The following ASCC3 variants were observed in gnomAD, a reference collection of about 807,000 sequenced individuals.
ASCC3 encodes the protein activating signal cointegrator 1 complex subunit 3.
In ASCC3, 158 loss-of-function variants were observed where a neutral mutation model predicts 256.3. The ratio of observed to expected loss-of-function variants is 0.62; its 90% CI spans 0.54 to 0.70. The LOEUF (loss-of-function observed/expected upper bound fraction) is 0.70. Ranked by LOEUF, ASCC3 falls within the 30% of genes least tolerant of loss-of-function variation. ASCC3 has a pLI of 0.00. For synonymous variants in ASCC3, 948 were observed against 883.4 expected, an observed-to-expected ratio of 1.07 and a Z score of -1.30; for missense variants, 2,259 against 2,626.0, an observed-to-expected ratio of 0.86 and a Z score of 3.05.
intron 10 of ASCC3, among the ~76,000 whole-genome samples, chr6:100,737,104 A>G (rs1780208629): frequency 6.8e-6 from 1 of 147,538 alleles, no homozygotes; most frequent in African/African-American, 2.5e-5. Flanking sequence ...CCGAGATTGC[A>G]CCACTGCACT....
chr6:100,555,747 G>C (rs1196612137), intron 36 of ASCC3, among the ~76,000 whole-genome samples: 1 of 152,162 alleles, frequency 6.6e-6, no homozygotes, highest in East Asian at 1.9e-4. Flanking sequence ...AGGCTGTCAG[G>C]TTTGAATCCT....
At chr6:100,521,283 G>A (rs1046584078) in intron 37 of ASCC3, among the ~76,000 whole-genome samples, 3 of 152,154 alleles carry the variant, frequency 2.0e-5, no homozygotes, top group Admixed American at 2.0e-4. Flanking sequence ...CCAAAGGGAA[G>A]CTGCAAAGTG....
chr6:100,652,281 T>C (rs74664900), intron 18 of ASCC3, among the ~76,000 whole-genome samples: 4,652 of 152,218 alleles, frequency 0.031, 81 homozygotes, highest in East Asian at 0.057. Flanking sequence ...GAATAGGTGA[T>C]GGAAGGAGTG....
In ASCC3 at chr6:100,761,456, C is replaced by G. The variant is rs1286487667; in HGVS notation, c.1737+5109G>C. The stretch of plus-strand genomic sequence containing the variant: ...TGGGCCATTACTGTGCCACTGTAGT[C>G]CAGCCTTGGTGACAGAGTGAGACCT... On this transcript the variant is annotated intron_variant, in intron 10 of 41. Transcript: ENST00000369162. 3.3e-5 allele frequency among the ~76,000 whole-genome samples: 5 copies of G among 152,120 alleles called. No individual in the cohort carries two copies. In the South Asian group the frequency reaches 1.0e-3, roughly 32 times the overall value.
At chr6:100,615,441 T>C (rs557650853) in intron 30 of ASCC3, among the ~76,000 whole-genome samples, 1 of 152,102 alleles carries the variant, frequency 6.6e-6, no homozygotes, top group East Asian at 1.9e-4. Context: ...CTGTTTTGAG[T>C]TCCTAAGCTG....
intron 20 of ASCC3, among the ~76,000 whole-genome samples, chr6:100,648,290 A>G (rs1490516246): frequency 6.6e-6 from 1 of 152,122 alleles, no homozygotes; most frequent in African/African-American, 2.4e-5. Context: ...CTCCTCTATC[A>G]TTAACTTTGC....
At chr6:100,600,929 T>C (rs1455947916) in intron 34 of ASCC3, among the ~76,000 whole-genome samples, 7 of 152,118 alleles carry the variant, frequency 4.6e-5, no homozygotes, top group African/African-American at 1.7e-4. Context: ...GCAAACTACT[T>C]AGCACAGCAT....
At chr6:100,687,484 C>T (rs1429574782) in intron 13 of ASCC3, among the ~76,000 whole-genome samples, 3 of 151,988 alleles carry the variant, frequency 2.0e-5, no homozygotes, top group Non-Finnish European at 4.4e-5. Flanking sequence ...GCCTCAGCCT[C>T]CCGAGTAGCT....
At chr6:100,634,292 T>C (rs1774714235) in intron 25 of ASCC3, among the ~76,000 whole-genome samples, 1 of 152,312 alleles carries the variant, frequency 6.6e-6, no homozygotes, top group South Asian at 2.1e-4. Flanking sequence ...AACCACATTA[T>C]ATATTATTGT....
rs575810726 is a variant in ASCC3, at chr6:100,571,155, C to A, written c.5550+18479G>T. 1.9e-3 allele frequency among the ~76,000 whole-genome samples: 290 copies of A among 152,268 alleles called. 4 individuals carry two copies. Among genetic ancestry groups the A allele is most frequent in the Non-Finnish European group, 1.7e-3 (114 of 68,012 alleles). On this transcript the variant is annotated intron_variant, in intron 36 of 41. Coordinates refer to ENST00000369162, the MANE Select transcript of ASCC3 (RefSeq NM_006828.4). ...TCCTAGGCCCTCTCAGTGTACACTC[C>A]ACTTCAAGCATACTGGCTTTTCTGC...
chr6:100,722,742 A>G (rs955618036), intron 11 of ASCC3, among the ~76,000 whole-genome samples: 2 of 151,840 alleles, frequency 1.3e-5, no homozygotes, highest in Admixed American at 6.6e-5. Context: ...TTTTCAGTGA[A>G]TAATATAACA....
intron 1 of ASCC3, among the ~76,000 whole-genome samples, chr6:100,871,905 C>T (rs1426766018): frequency 6.6e-6 from 1 of 152,186 alleles, no homozygotes; most frequent in African/African-American, 2.4e-5. Context: ...GTACACAGTA[C>T]ACAGTATGTA....
chr6:100,771,630 T>C (rs1309693486), intron 8 of ASCC3, among the ~76,000 whole-genome samples: 1 of 152,020 alleles, frequency 6.6e-6, no homozygotes, highest in Non-Finnish European at 1.5e-5. Context: ...AAAGAAAATA[T>C]ATAGATGTCA....
rs564785154 is a variant in ASCC3, at chr6:100,818,510, T to C, written c.802-12630A>G. On this transcript the variant is annotated intron_variant, in intron 4 of 41. Coordinates refer to ENST00000369162, the MANE Select transcript of ASCC3 (RefSeq NM_006828.4). ...TGAACCCAGGAGGCAAGGTGGAGGTTGCCGAGAGCCAAGATCATGCCACTC... is the reference window on the plus strand; with the variant it reads ...TGAACCCAGGAGGCAAGGTGGAGGTCGCCGAGAGCCAAGATCATGCCACTC... 1.4e-3 allele frequency among the ~76,000 whole-genome samples: 198 copies of C among 145,418 alleles called. 1 individual carries two copies. The highest frequency in any genetic ancestry group is 2.3e-3 in the Non-Finnish European group (157 of 67,106).
intron 36 of ASCC3, among the ~76,000 whole-genome samples, chr6:100,580,631 T>G (rs1003825055): frequency 6.6e-6 from 1 of 152,042 alleles, no homozygotes; most frequent in African/African-American, 2.4e-5. Context: ...GTGCACAATG[T>G]GCAGGTTAGT....
chr6:100,518,124 C>A lies in ASCC3; in HGVS notation c.5794G>T (p.Ala1932Ser), dbSNP rs1774126453. The change falls in exon 38 of 42, where the codon GCA becomes TCA. Residue 1932 changes from alanine to serine, a missense_variant. This residue lies in a region of ASCC3 where 1,839 missense variants were observed against 2,206.7 expected (regional missense o/e 0.83). Transcript: ENST00000369162. The part of the protein sequence containing the change: ...RVCQAMLDVA[A>S]NQGWLVTVLN... ...ACAGTCACCAGCCAGCCCTGGTTTG[C>A]AGCCACGTCCAGCATTGCCTGAACA... 1.9e-6 allele frequency: 3 copies of A among 1,613,514 alleles called. No homozygotes were observed. The highest frequency in any genetic ancestry group is 1.7e-6 in the Non-Finnish European group (2 of 1,179,652).
intron 8 of ASCC3, among the ~76,000 whole-genome samples, chr6:100,796,853 A>C (rs916516228): frequency 6.6e-6 from 1 of 152,198 alleles, no homozygotes; most frequent in Non-Finnish European, 1.5e-5. Flanking sequence ...GTAGGTGAAT[A>C]GTTTAAAACA....
intron 19 of ASCC3, 123 bp from the exon 20 acceptor site, chr6:100,650,837 TC>T: frequency 2.5e-6 from 2 of 795,898 alleles, no homozygotes; most frequent in South Asian, 3.2e-5. Context: ...CATTTTTCTT[TC>T]ATAGAGTTAA....
At chr6:100,510,179 C>T in intron 40 of ASCC3, 72 bp from the exon 41 acceptor site, 1 of 1,516,096 alleles carries the variant, frequency 6.6e-7, no homozygotes, top group South Asian at 1.1e-5. Flanking sequence ...GTGGTTAAGG[C>T]TACGTTGTCT....
Sources: gnomAD v4.1 joint callset for allele counts (sites outside exome capture counted in the v4.1 genomes callset) on GRCh38, gnomAD v4.1.1 for gene constraint, gnomAD v4.1.1 regional missense constraint, MANE v1.5 for transcripts, NCBI Gene and HGNC (gene_info 2026-07-23, HGNC 2026-07-21) for gene names.